The following PPP3CA variants were observed in gnomAD, a reference collection of about 807,000 sequenced individuals.
PPP3CA encodes CAM-PRP catalytic subunit.
PPP3CA carries 14 observed loss-of-function variants against 66.5 expected under a neutral mutation model. That is an observed-to-expected ratio of 0.21 (90% CI 0.14 to 0.33). The LOEUF (loss-of-function observed/expected upper bound fraction) is 0.33, where lower values mean the gene tolerates loss of function less well. Ranked by LOEUF, PPP3CA falls within the 10% of genes least tolerant of loss-of-function variation. The probability of loss-of-function intolerance (pLI) is 1.00; values close to 1 mark genes in which losing one functional copy is unlikely to be tolerated. For synonymous variants in PPP3CA, 232 were observed against 226.2 expected, an observed-to-expected ratio of 1.03 and a Z score of -0.23; for missense variants, 317 against 639.5, an observed-to-expected ratio of 0.50 and a Z score of 5.44.
chr4:101,136,597 A>G (rs1722630209), intron 2 of PPP3CA, among the ~76,000 whole-genome samples: 1 of 151,812 alleles, frequency 6.6e-6, no homozygotes, highest in Non-Finnish European at 1.5e-5. Flanking sequence ...CAGTATTATA[A>G]CAAGGATTTT....
At chr4:101,248,996 T>C (rs1299884806) in intron 1 of PPP3CA, among the ~76,000 whole-genome samples, 3 of 151,338 alleles carry the variant, frequency 2.0e-5, no homozygotes, top group East Asian at 3.9e-4. Context: ...CCGTCTCTAC[T>C]AAAAATACAA....
intron 1 of PPP3CA, among the ~76,000 whole-genome samples, chr4:101,331,006 C>A (rs1729368128): frequency 6.6e-6 from 1 of 152,078 alleles, no homozygotes; most frequent in African/African-American, 2.4e-5. Flanking sequence ...ATCTGCCCCA[C>A]GAAAAGTATT....
chr4:101,330,424 A>C (rs1380706563), intron 1 of PPP3CA: 4 of 533,722 alleles, frequency 7.5e-6, no homozygotes, highest in Non-Finnish European at 1.5e-5. Context: ...TACTACATAC[A>C]TTTAGCTGAT....
At chr4:101,077,964 A>G (rs944133818) in intron 8 of PPP3CA, among the ~76,000 whole-genome samples, 3 of 152,106 alleles carry the variant, frequency 2.0e-5, no homozygotes, top group African/African-American at 7.2e-5. Context: ...GAAAGAGTCT[A>G]GGTTTGTTTT....
chr4:101,157,881 A>AC (rs1723376198), intron 2 of PPP3CA, among the ~76,000 whole-genome samples: 1 of 151,554 alleles, frequency 6.6e-6, no homozygotes, highest in African/African-American at 2.4e-5. Context: ...AAAAAAAAAA[A>AC]AAAAAAAACC....
chr4:101,113,465 G>C (rs932745295), intron 2 of PPP3CA, among the ~76,000 whole-genome samples: 1 of 152,092 alleles, frequency 6.6e-6, no homozygotes, highest in African/African-American at 2.4e-5. Context: ...AGGTTGCTGT[G>C]AGATTAGGAC....
At chr4:101,317,571 C>A (rs1009210785) in intron 1 of PPP3CA, among the ~76,000 whole-genome samples, 2 of 152,150 alleles carry the variant, frequency 1.3e-5, no homozygotes, top group Non-Finnish European at 2.9e-5. Context: ...AAATTAAACA[C>A]AGAAATAATG....
At chr4:101,185,278 GGAA>G (rs777027675) in intron 2 of PPP3CA, among the ~76,000 whole-genome samples, 2 of 152,246 alleles carry the variant, frequency 1.3e-5, no homozygotes, top group South Asian at 2.1e-4. Flanking sequence ...AGAGGTGGAA[GGAA>G]GAAGAAGAAA....
At chr4:101,166,997 A>C (rs1560636647) in intron 2 of PPP3CA, among the ~76,000 whole-genome samples, 1 of 152,186 alleles carries the variant, frequency 6.6e-6, no homozygotes, top group Non-Finnish European at 1.5e-5. Context: ...TTATACGTGC[A>C]ATTTAGCATT....
intron 2 of PPP3CA, among the ~76,000 whole-genome samples, chr4:101,143,639 T>C (rs1722878882): frequency 6.6e-6 from 1 of 152,184 alleles, no homozygotes; most frequent in Non-Finnish European, 1.5e-5. Flanking sequence ...CACTAGACTA[T>C]TGTTCTTTCT....
At chr4:101,200,949 C>T (rs1024960815) in intron 1 of PPP3CA, among the ~76,000 whole-genome samples, 1 of 152,124 alleles carries the variant, frequency 6.6e-6, no homozygotes, top group African/African-American at 2.4e-5. Flanking sequence ...TGGCTTTTGA[C>T]TACTCAAAAA....
In PPP3CA at chr4:101,088,493, G is replaced by A. The variant is rs533410901; in HGVS notation, c.783-5230C>T. On this transcript the variant is annotated intron_variant, in intron 6 of 13. Transcript: ENST00000394854. The stretch of plus-strand genomic sequence containing the variant: ...CTAGCTACTCGGGAAGCTGAGGCAG[G>A]AGAATGGTGTGAACCCAGGAGGCAG... Among the ~76,000 whole-genome samples the A allele has an allele frequency of 2.0e-5, 3 of 149,368 alleles. No homozygotes were observed. In the South Asian group the frequency reaches 6.3e-4, roughly 32 times the overall value.
intron 1 of PPP3CA, among the ~76,000 whole-genome samples, chr4:101,297,343 C>T (rs1158587277): frequency 6.6e-6 from 1 of 152,168 alleles, no homozygotes; most frequent in Non-Finnish European, 1.5e-5. Context: ...AAGAACCTGA[C>T]ACATGGGGCA....
chr4:101,284,556 G>T (rs146345562), intron 1 of PPP3CA, among the ~76,000 whole-genome samples: 129 of 152,038 alleles, frequency 8.5e-4, no homozygotes, highest in Non-Finnish European at 1.3e-3. Context: ...ACATAATTCT[G>T]CAAATCTCAT....
intron 8 of PPP3CA, among the ~76,000 whole-genome samples, chr4:101,068,366 A>G (rs1728770958): frequency 2.6e-5 from 4 of 152,186 alleles, no homozygotes. Context: ...TACCATCACG[A>G]AAGGAGGCAT....
chr4:101,088,156 G>A (rs776923160), intron 6 of PPP3CA, among the ~76,000 whole-genome samples: 7 of 152,144 alleles, frequency 4.6e-5, no homozygotes, highest in Non-Finnish European at 1.0e-4. Context: ...CTGTGTGTGT[G>A]CGCGTGTGTG....
intron 2 of PPP3CA, among the ~76,000 whole-genome samples, chr4:101,156,892 G>A (rs953989379): frequency 2.0e-5 from 3 of 152,136 alleles, no homozygotes; most frequent in Non-Finnish European, 2.9e-5. Flanking sequence ...AGTGCAAAAC[G>A]TTATTTTAGC....
intron 1 of PPP3CA, among the ~76,000 whole-genome samples, chr4:101,315,482 T>G (rs1335479046): frequency 6.6e-6 from 1 of 152,234 alleles, no homozygotes; most frequent in African/African-American, 2.4e-5. Context: ...ATGCATATTT[T>G]GCTGTTTCTC....
intron 6 of PPP3CA, among the ~76,000 whole-genome samples, chr4:101,091,949 C>A (rs1729970700): frequency 6.6e-6 from 1 of 151,548 alleles, no homozygotes; most frequent in Admixed American, 6.6e-5. Context: ...TTCTTCATAA[C>A]CTCTTTTCTC....
Sources: allele counts gnomAD v4.1 joint callset (sites outside exome capture counted in the v4.1 genomes callset), GRCh38; gene constraint gnomAD v4.1.1; transcripts MANE v1.5; gene names NCBI Gene and HGNC (gene_info 2026-07-23, HGNC 2026-07-21).